The following RBFOX1 variants were observed in gnomAD, a reference collection of about 807,000 sequenced individuals.
The protein encoded by RBFOX1 is RNA binding protein fox-1 homolog 1.
In RBFOX1, 8 loss-of-function variants were observed where a neutral mutation model predicts 57.7. The ratio of observed to expected loss-of-function variants is 0.14; its 90% confidence interval spans 0.08 to 0.25. The LOEUF is 0.25. Ranked by LOEUF, RBFOX1 falls within the 10% of genes least tolerant of loss-of-function variation. RBFOX1 has a pLI of 1.00. For missense variants in RBFOX1, 611 were observed against 548.5 expected, an observed-to-expected ratio of 1.11 and a Z score of -1.14; for synonymous variants, 326 against 222.4, an observed-to-expected ratio of 1.47 and a Z score of -4.15.
At chr16:5,907,951 A>T (rs1479877391) in intron 4 of RBFOX1, among the ~76,000 whole-genome samples, 3 of 151,568 alleles carry the variant, frequency 2.0e-5, no homozygotes, top group Admixed American at 6.6e-5. Flanking sequence ...GGATTTCACT[A>T]TGTTGGCCAG....
At chr16:7,505,329 A>T (rs1382637625) in intron 4 of RBFOX1, among the ~76,000 whole-genome samples, 2 of 152,076 alleles carry the variant, frequency 1.3e-5, no homozygotes, top group African/African-American at 4.8e-5. Context: ...AAATGTGTAT[A>T]TAATGTCATA....
chr16:7,615,430 G>A (rs1280176438), intron 10 of RBFOX1, among the ~76,000 whole-genome samples: 1 of 152,026 alleles, frequency 6.6e-6, no homozygotes, highest in African/African-American at 2.4e-5. Flanking sequence ...TTACATATAT[G>A]TACGTAAATT....
intron 4 of RBFOX1, among the ~76,000 whole-genome samples, chr16:7,106,504 A>C (rs1187170971): frequency 6.6e-6 from 1 of 152,172 alleles, no homozygotes; most frequent in Admixed American, 6.5e-5. Flanking sequence ...ATAATTCAGT[A>C]GGTCATTAAT....
intron 5 of RBFOX1, among the ~76,000 whole-genome samples, chr16:7,529,275 CA>C (rs1429721940): frequency 1.2e-4 from 19 of 152,094 alleles, no homozygotes; most frequent in Admixed American, 1.2e-3. Flanking sequence ...ACAACAACAA[CA>C]AGAAGAAAAA....
intron 3 of RBFOX1, among the ~76,000 whole-genome samples, chr16:6,678,761 C>G (rs919585770): frequency 5.3e-5 from 8 of 152,054 alleles, no homozygotes; most frequent in Non-Finnish European, 5.9e-5. Context: ...TAAGATACCA[C>G]TGACTTGAAG....
chr16:6,571,551 G>A (rs558975409), intron 2 of RBFOX1, among the ~76,000 whole-genome samples: 1 of 152,262 alleles, frequency 6.6e-6, no homozygotes, highest in East Asian at 1.9e-4. Context: ...GTCGGGGAGA[G>A]AGGAGAGGAT....
rs571375000 is a variant in RBFOX1, at chr16:5,878,121, C to CTG, written c.351+10792_351+10793dup. Among the ~76,000 whole-genome samples, 260 of 152,182 alleles carry CTG rather than the reference C, an allele frequency of 1.7e-3. 1 individual carries two copies. Among genetic ancestry groups the CTG allele is most frequent in the African/African-American group, 6.0e-3 (251 of 41,516 alleles). On this transcript the variant is annotated intron_variant, in intron 4 of 19. Transcript: ENST00000641259. ...TAGCAAAGAGATTGCTTTGGATCGA[C>CTG]TGTGTGTATGGATAAGGGGTAGGGG...
intron 4 of RBFOX1, among the ~76,000 whole-genome samples, chr16:7,061,257 G>GT: frequency 6.6e-6 from 1 of 151,936 alleles, no homozygotes; most frequent in South Asian, 2.1e-4. Context: ...CATTTAAAAT[G>GT]TTTTTTAAAA....
chr16:6,130,688 C>T (rs913005594), intron 1 of RBFOX1, among the ~76,000 whole-genome samples: 1 of 152,010 alleles, frequency 6.6e-6, no homozygotes, highest in Non-Finnish European at 1.5e-5. Flanking sequence ...AAAACTATAT[C>T]CCATATGAAT....
chr16:5,534,356 T>G (rs2044609659), intron 2 of RBFOX1, among the ~76,000 whole-genome samples: 1 of 152,148 alleles, frequency 6.6e-6, no homozygotes, highest in Non-Finnish European at 1.5e-5. Flanking sequence ...AGTCCCCCAA[T>G]AGCTGTCTTC....
intron 2 of RBFOX1, among the ~76,000 whole-genome samples, chr16:6,636,872 T>G (rs2098440431): frequency 7.6e-6 from 1 of 132,448 alleles, no homozygotes; most frequent in South Asian, 2.2e-4. Context: ...ATATATTATA[T>G]GTTTAATATA....
At position 7,711,438 on chromosome 16, in the gene RBFOX1, G is replaced by A. The variant is rs1001464618; in HGVS notation, c.*693G>A. On this transcript the variant is annotated 3_prime_UTR_variant, in exon 16 of 16. Coordinates refer to ENST00000550418, the MANE Select transcript of RBFOX1 (RefSeq NM_018723.4). Reference sequence around the variant, plus strand: ...CCGGCAGTATTCAGCTTCTTAACCAGTCGCTATTTAGGAAAAAAAACCCAC... The same window carrying A: ...CCGGCAGTATTCAGCTTCTTAACCAATCGCTATTTAGGAAAAAAAACCCAC... 2 of 152,194 alleles carry A rather than the reference G, an allele frequency of 1.3e-5. No individual in the cohort carries two copies. The highest frequency in any genetic ancestry group is 2.9e-5 in the Non-Finnish European group (2 of 67,988). The allele number at this position is 152,194 out of a possible 1,614,324, so 9.4% of individuals were successfully genotyped here.
chr16:6,598,603 T>C (rs927544343), intron 2 of RBFOX1, among the ~76,000 whole-genome samples: 1 of 152,166 alleles, frequency 6.6e-6, no homozygotes, highest in Non-Finnish European at 1.5e-5. Context: ...GTTTATGATC[T>C]ATACATATGA....
intron 2 of RBFOX1, among the ~76,000 whole-genome samples, chr16:5,595,023 C>T (rs1343869799): frequency 6.7e-6 from 1 of 150,218 alleles, no homozygotes; most frequent in African/African-American, 2.5e-5. Flanking sequence ...GTGGGCACCT[C>T]CAATCCCAGC....
chr16:6,831,678 A>C (rs2092717292), intron 3 of RBFOX1, among the ~76,000 whole-genome samples: 1 of 152,200 alleles, frequency 6.6e-6, no homozygotes, highest in Non-Finnish European at 1.5e-5. Flanking sequence ...ATAACTTGCA[A>C]CCAGTTCTAT....
At chr16:6,269,448 C>A (rs573198354) in intron 1 of RBFOX1, among the ~76,000 whole-genome samples, 23 of 152,262 alleles carry the variant, frequency 1.5e-4, no homozygotes, top group African/African-American at 4.6e-4. Flanking sequence ...GATAGTCAAA[C>A]TTCTGAAAAG....
intron 2 of RBFOX1, among the ~76,000 whole-genome samples, chr16:5,485,655 A>G (rs1051612398): frequency 6.6e-6 from 1 of 152,222 alleles, no homozygotes; most frequent in African/African-American, 2.4e-5. Flanking sequence ...CAGCAAGGTT[A>G]ATAACTTGTC....
intron 2 of RBFOX1, among the ~76,000 whole-genome samples, chr16:6,453,374 G>A (rs889717887): frequency 6.6e-6 from 1 of 152,118 alleles, no homozygotes; most frequent in Non-Finnish European, 1.5e-5. Flanking sequence ...TTGGTTTTCT[G>A]TTCCTGTGTT....
intron 3 of RBFOX1, among the ~76,000 whole-genome samples, chr16:6,840,036 A>G (rs1362938275): frequency 6.6e-6 from 1 of 152,214 alleles, no homozygotes; most frequent in African/African-American, 2.4e-5. Flanking sequence ...TGGGAAGGAT[A>G]ATAAAACAAA....
Sources: allele counts gnomAD v4.1 joint callset (sites outside exome capture counted in the v4.1 genomes callset), GRCh38; gene constraint gnomAD v4.1.1; transcripts MANE v1.5; gene names NCBI Gene and HGNC (gene_info 2026-07-23, HGNC 2026-07-21).